The following NAV3 variants were observed in gnomAD, a reference collection of about 807,000 sequenced individuals.
The protein encoded by NAV3 is pore membrane and/or filament interacting like protein 1.
A neutral mutation model predicts 244.7 loss-of-function variants in NAV3; 87 were observed. That is an observed-to-expected ratio of 0.36 (90% CI 0.30 to 0.42). The LOEUF is 0.42. Ranked by LOEUF, NAV3 falls within the 20% of genes least tolerant of loss-of-function variation. NAV3 has a pLI of 1.00. For missense variants in NAV3, 2,663 were observed against 2,893.3 expected (o/e 0.92, Z 1.83); for synonymous variants, 1,126 against 1,042.2 (o/e 1.08, Z -1.55).
chr12:77,920,615 A>G (rs1484634868), intron 1 of NAV3, among the ~76,000 whole-genome samples: 2 of 152,068 alleles, frequency 1.3e-5, no homozygotes, highest in Non-Finnish European at 2.9e-5. Flanking sequence ...TAGAATTATC[A>G]GAAAAACAGG....
chr12:78,132,830 CAA>C (rs1264771078), intron 18 of NAV3, among the ~76,000 whole-genome samples: 1 of 152,122 alleles, frequency 6.6e-6, no homozygotes, highest in Admixed American at 6.5e-5. Flanking sequence ...CACCTGAAAT[CAA>C]AGTCTTTTCT....
Position 77,741,184 on chromosome 12 carries a change from A to G in NAV3, c.72+168918A>G, listed in dbSNP as rs1301377552. 2.0e-5 allele frequency among the ~76,000 whole-genome samples: 3 copies of G among 150,870 alleles called. No individual in the cohort carries two copies. The East Asian group carries it at 5.8e-4, about 29-fold the overall frequency. ...AAAAAAAAGAAAAGAAAGAAAAAGA[A>G]AAAGAAAATCCAGTTGGCAAAGATA... On this transcript the variant is annotated intron_variant, in intron 2 of 8. Coordinates refer to the NAV3 transcript ENST00000550042.
At position 78,148,859 on chromosome 12, in the gene NAV3, G is replaced by C; in HGVS notation, c.4725G>C (p.Arg1575=). The part of the protein sequence containing the change: ...KAHSEQIHKL[R]RELVASQEKV... ...GCATTCAGCAAATCCATAAACTGCGGAGAGAGCTGGTTGCATCACAAGAAA... is the reference window on the plus strand; with the variant it reads ...GCATTCAGCAAATCCATAAACTGCGCAGAGAGCTGGTTGCATCACAAGAAA... Residue 1575 remains arginine, a synonymous_variant, in exon 22 of 40, where the codon CGG becomes CGC. Coordinates refer to ENST00000397909, the MANE Select transcript of NAV3 (RefSeq NM_001024383.2). 6.2e-7 allele frequency: 1 copy of C among 1,612,460 alleles called. No homozygotes were observed. The highest frequency in any genetic ancestry group is 8.5e-7 in the Non-Finnish European group (1 of 1,179,136).
chr12:77,830,146 T>C (rs1332192917), upstream of NAV3, among the ~76,000 whole-genome samples: 1 of 152,234 alleles, frequency 6.6e-6, no homozygotes, highest in Non-Finnish European at 1.5e-5. Flanking sequence ...GAACATGCTA[T>C]GATTATATTA....
At chr12:77,612,877 C>CTGTTCTCATGACAGTGAGTG (rs1412620902) in intron 2 of NAV3, among the ~76,000 whole-genome samples, 6 of 152,070 alleles carry the variant, frequency 3.9e-5, no homozygotes, top group African/African-American at 1.4e-4. Context: ...TTCCTCCATG[C>CTGTTCTCATGACAGTGAGTG]TGTTCTCATG....
At chr12:78,065,897 A>G (rs149294236) in intron 12 of NAV3, among the ~76,000 whole-genome samples, 1,552 of 152,266 alleles carry the variant, frequency 0.01, 30 homozygotes, top group African/African-American at 0.036. Flanking sequence ...AAATAAGGTG[A>G]TAAGTCTTAA....
At chr12:78,141,057 A>G (rs1481750719) in intron 20 of NAV3, among the ~76,000 whole-genome samples, 3 of 151,836 alleles carry the variant, frequency 2.0e-5, no homozygotes, top group Non-Finnish European at 4.4e-5. Context: ...ATGCCCAGCT[A>G]ATTTTTAAAT....
chr12:77,849,179 G>A (rs374795709), intron 1 of NAV3, among the ~76,000 whole-genome samples: 8 of 151,980 alleles, frequency 5.3e-5, no homozygotes, highest in South Asian at 2.1e-4. Flanking sequence ...ATGAGAAACC[G>A]ATTTGATTCA....
At position 77,873,744 on chromosome 12, in the gene NAV3, G is replaced by GTGTGTGTGTATATATA. The variant is rs776225440; in HGVS notation, c.243+42041_243+42042insGTGTGTGTATATATAT. ...CTTATCTAAATACATATGTGTGTGT[G>GTGTGTGTGTATATATA]TATATATATATATATATATATATGT... is the stretch of plus-strand genomic sequence containing the variant. On this transcript the variant is annotated intron_variant, in intron 1 of 39. Transcript: ENST00000397909. Among the ~76,000 whole-genome samples, 32 of 73,180 alleles carry GTGTGTGTGTATATATA rather than the reference G, an allele frequency of 4.4e-4. 1 individual carries two copies. Among genetic ancestry groups the GTGTGTGTGTATATATA allele is most frequent in the South Asian group, 2.0e-3 (3 of 1,528 alleles). 48.0% of individuals were successfully genotyped at this position (73,180 alleles called of 152,430 possible).
At chr12:77,799,413 ACTTC>A (rs1190860372) in intron 2 of NAV3, among the ~76,000 whole-genome samples, 1 of 152,208 alleles carries the variant, frequency 6.6e-6, no homozygotes, top group Non-Finnish European at 1.5e-5. Flanking sequence ...TAATCAACAT[ACTTC>A]CTTATTTAGA....
At chr12:77,855,080 T>C (rs1044290767) in intron 1 of NAV3, among the ~76,000 whole-genome samples, 2 of 152,124 alleles carry the variant, frequency 1.3e-5, no homozygotes, top group African/African-American at 4.8e-5. Context: ...TGAGCTGAGA[T>C]CGCGCCACTG....
At chr12:77,905,461 C>T (rs1354427349) in intron 1 of NAV3, among the ~76,000 whole-genome samples, 1 of 152,068 alleles carries the variant, frequency 6.6e-6, no homozygotes, top group African/African-American at 2.4e-5. Flanking sequence ...CAGTGACCCT[C>T]ACTTATAGGA....
chr12:77,650,218 TCACA>T (rs1436766827), intron 2 of NAV3, among the ~76,000 whole-genome samples: 1 of 152,182 alleles, frequency 6.6e-6, no homozygotes, highest in Non-Finnish European at 1.5e-5. Context: ...ACGCAAATAA[TCACA>T]CACAGAGTAG....
chr12:77,634,380 A>G (rs17189976), intron 2 of NAV3, among the ~76,000 whole-genome samples: 3,774 of 152,272 alleles, frequency 0.025, 60 homozygotes, highest in Middle Eastern at 0.082. Context: ...TTGATTTTAC[A>G]TAGAAGGTAA....
At chr12:77,972,280 C>A in intron 5 of NAV3, among the ~76,000 whole-genome samples, 1 of 152,092 alleles carries the variant, frequency 6.6e-6, no homozygotes, top group East Asian at 1.9e-4. Flanking sequence ...ATCAGACTGC[C>A]AGGACCTGGA....
At chr12:77,660,918 G>A (rs796925064) in intron 2 of NAV3, among the ~76,000 whole-genome samples, 25 of 152,170 alleles carry the variant, frequency 1.6e-4, no homozygotes, top group African/African-American at 5.3e-4. Flanking sequence ...TGCATGAGCC[G>A]TAGTTCATTT....
At chr12:77,710,501 T>C (rs1299598888) in intron 2 of NAV3, among the ~76,000 whole-genome samples, 1 of 152,212 alleles carries the variant, frequency 6.6e-6, no homozygotes, top group Non-Finnish European at 1.5e-5. Flanking sequence ...TTGTATTTTT[T>C]ATACCAGTTT....
intron 2 of NAV3, among the ~76,000 whole-genome samples, chr12:77,763,748 T>A (rs939427519): frequency 2.0e-5 from 3 of 152,224 alleles, no homozygotes; most frequent in African/African-American, 7.2e-5. Context: ...AATCCTGAGA[T>A]AAGTGTGTCA....
At chr12:78,155,803 A>G (rs1296880551) in intron 22 of NAV3, among the ~76,000 whole-genome samples, 1 of 151,676 alleles carries the variant, frequency 6.6e-6, no homozygotes, top group African/African-American at 2.4e-5. Flanking sequence ...GTGTCTATTC[A>G]TATCCTGTCT....
Sources: allele counts gnomAD v4.1 joint callset (sites outside exome capture counted in the v4.1 genomes callset), GRCh38; gene constraint gnomAD v4.1.1; transcripts MANE v1.5; gene names NCBI Gene and HGNC (gene_info 2026-07-23, HGNC 2026-07-21).